Variants in GRK5 observed in about 807,000 individuals in gnomAD.
The protein encoded by GRK5 is g protein-coupled receptor kinase GRK5.
GRK5 carries 40 observed loss-of-function variants against 78.4 expected under a neutral mutation model. The ratio of observed to expected loss-of-function variants is 0.51; its 90% CI spans 0.40 to 0.66. The LOEUF is 0.66. GRK5 is among the 30% of genes least tolerant of loss of function. The probability of loss-of-function intolerance (pLI) is 0.00; values close to 1 mark genes in which losing one functional copy is unlikely to be tolerated. For missense variants in GRK5, 598 were observed against 759.9 expected (o/e 0.79, Z 2.50); for synonymous variants, 289 against 296.8 (o/e 0.97, Z 0.27).
chr10:119,266,210 C>T (rs1849493840), intron 1 of GRK5, among the ~76,000 whole-genome samples: 1 of 152,210 alleles, frequency 6.6e-6, no homozygotes, highest in African/African-American at 2.4e-5. Flanking sequence ...AATCGCAGCA[C>T]TTTGGGAGGC....
intron 3 of GRK5, among the ~76,000 whole-genome samples, chr10:119,383,067 G>A (rs950713145): frequency 4.0e-5 from 6 of 151,860 alleles, no homozygotes; most frequent in South Asian, 4.2e-4. Flanking sequence ...GCCTACAGGC[G>A]CCCGCCACTA....
intron 1 of GRK5, among the ~76,000 whole-genome samples, chr10:119,214,709 G>A (rs1848543299): frequency 6.6e-6 from 1 of 152,086 alleles, no homozygotes; most frequent in South Asian, 2.1e-4. Flanking sequence ...TTGTAGAGAT[G>A]GGGTTTCGCC....
intron 1 of GRK5, among the ~76,000 whole-genome samples, chr10:119,300,208 G>C (rs534261407): frequency 6.6e-6 from 1 of 152,206 alleles, no homozygotes; most frequent in Admixed American, 6.5e-5. Flanking sequence ...TTATGAGTTG[G>C]CAAATATGTT....
intron 2 of GRK5, among the ~76,000 whole-genome samples, chr10:119,342,248 G>A (rs1334585782): frequency 4.6e-5 from 7 of 152,260 alleles, no homozygotes; most frequent in African/African-American, 1.7e-4. Flanking sequence ...CCTGAGGCAT[G>A]TGGCGGGTCA....
At chr10:119,418,162 C>G (rs1852500810) in intron 4 of GRK5, among the ~76,000 whole-genome samples, 1 of 152,176 alleles carries the variant, frequency 6.6e-6, no homozygotes, top group South Asian at 2.1e-4. Context: ...GTGCAGGATT[C>G]AAGGTCAATT....
At chr10:119,419,408 T>G (rs1274519531) in intron 4 of GRK5, among the ~76,000 whole-genome samples, 1 of 152,262 alleles carries the variant, frequency 6.6e-6, no homozygotes, top group Non-Finnish European at 1.5e-5. Flanking sequence ...AACTACTCGC[T>G]TCTTACCCTT....
At chr10:119,404,819 C>T (rs1395593312) in intron 4 of GRK5, among the ~76,000 whole-genome samples, 1 of 152,228 alleles carries the variant, frequency 6.6e-6, no homozygotes, top group African/African-American at 2.4e-5. Flanking sequence ...ATTCCTAGGA[C>T]TGCACGGGCC....
Position 119,452,850 on chromosome 10 carries a change from AG to A in GRK5, c.1542+45del. The A allele has an allele frequency of 3.7e-6, 2 of 538,084 alleles. No homozygotes were observed. Among genetic ancestry groups the A allele is most frequent in the Non-Finnish European group, 7.3e-6 (2 of 272,408 alleles). The allele number at this position is 538,084 out of a possible 1,614,324, so 33.3% of individuals were successfully genotyped here. On this transcript the variant is annotated intron_variant, in intron 14 of 15. Coordinates refer to ENST00000392870, the MANE Select transcript of GRK5 (RefSeq NM_005308.3). This position sits in a 1 kb window ranked among gnomAD's most constrained non-coding sequence, Gnocchi z 4.4. ...ACTTGCTTTGGTCTGGGTGGGAGGG[AG>A]GGACTGACGGGTGGAAGGAGGCGTC... is the stretch of plus-strand genomic sequence containing the variant.
intron 1 of GRK5, among the ~76,000 whole-genome samples, chr10:119,237,309 C>G (rs1182732738): frequency 1.3e-5 from 2 of 152,144 alleles, no homozygotes; most frequent in Non-Finnish European, 2.9e-5. Flanking sequence ...GTGATTTGCC[C>G]CCGTTGGCCT....
chr10:119,247,004 G>T (rs1849124674), intron 1 of GRK5, among the ~76,000 whole-genome samples: 1 of 152,154 alleles, frequency 6.6e-6, no homozygotes, highest in South Asian at 2.1e-4. Context: ...GGGATGCCGG[G>T]GTCAGATCCG....
At chr10:119,245,298 C>T (rs566536611) in intron 1 of GRK5, among the ~76,000 whole-genome samples, 18 of 152,052 alleles carry the variant, frequency 1.2e-4, no homozygotes, top group African/African-American at 2.2e-4. Context: ...GAATTCAAAT[C>T]GGGATCTCAA....
At chr10:119,266,319 A>G (rs1274042876) in intron 1 of GRK5, among the ~76,000 whole-genome samples, 4 of 152,064 alleles carry the variant, frequency 2.6e-5, no homozygotes, top group Admixed American at 2.6e-4. Flanking sequence ...GCCAGGCATG[A>G]TGGTGCTCAT....
intron 2 of GRK5, 85 bp from the exon 3 acceptor site, chr10:119,380,730 C>A: frequency 2.5e-6 from 2 of 786,910 alleles, no homozygotes; most frequent in Non-Finnish European, 2.2e-6. Flanking sequence ...CCATCTAGGG[C>A]TCTGAGCCCA....
intron 4 of GRK5, among the ~76,000 whole-genome samples, chr10:119,417,281 G>T (rs1279521970): frequency 2.6e-5 from 4 of 152,142 alleles, no homozygotes; most frequent in African/African-American, 9.7e-5. Context: ...TCATGCCCAG[G>T]CCTGGCCCCT....
At chr10:119,224,836 G>A (rs917293291) in intron 1 of GRK5, among the ~76,000 whole-genome samples, 8 of 152,202 alleles carry the variant, frequency 5.3e-5, no homozygotes, top group African/African-American at 1.9e-4. Flanking sequence ...AAGGGAAAAG[G>A]AGAGTGTGCC....
chr10:119,349,795 G>A (rs192720948), intron 2 of GRK5, among the ~76,000 whole-genome samples: 342 of 152,350 alleles, frequency 2.2e-3, no homozygotes, highest in Non-Finnish European at 3.7e-3. Context: ...GCTTGAGGAA[G>A]GAAGAGGAGG....
chr10:119,237,684 G>A (rs935638620), intron 1 of GRK5, among the ~76,000 whole-genome samples: 8 of 152,250 alleles, frequency 5.3e-5, no homozygotes, highest in African/African-American at 1.4e-4. Flanking sequence ...TCAGGGAGCC[G>A]GAGAGGGGGA....
chr10:119,354,482 GCCTCGACCTT>G (rs1409114940), intron 2 of GRK5, among the ~76,000 whole-genome samples: 1 of 141,530 alleles, frequency 7.1e-6, no homozygotes, highest in Non-Finnish European at 1.5e-5. Flanking sequence ...CCTCACTGCA[GCCTCGACCTT>G]CCAGGCTCAA....
chr10:119,380,474 A>G lies in GRK5; in HGVS notation c.149-341A>G, dbSNP rs550021391. Among the ~76,000 whole-genome samples, 3 of 152,282 alleles carry G rather than the reference A, an allele frequency of 2.0e-5. No individual in the cohort carries two copies. The South Asian group carries it at 6.2e-4, about 32-fold the overall frequency. ...GACTGGCTTACATTACAGGCCTGCC[A>G]CCCTTATCCAGTCACTGTAATCAGA... is the stretch of plus-strand genomic sequence containing the variant. On this transcript the variant is annotated intron_variant, in intron 2 of 15. Transcript: ENST00000392870.
Sources: gnomAD v4.1 joint callset for allele counts (sites outside exome capture counted in the v4.1 genomes callset) on GRCh38, gnomAD v4.1.1 for gene constraint, Gnocchi (gnomAD v3.1) non-coding constraint, MANE v1.5 for transcripts, NCBI Gene and HGNC (gene_info 2026-07-23, HGNC 2026-07-21) for gene names.